Variants in PDE10A observed in about 807,000 individuals in gnomAD.
PDE10A encodes cAMP and cAMP-inhibited cGMP 3',5'-cyclic phosphodiesterase 10A.
In PDE10A, 39 loss-of-function variants were observed where a neutral mutation model predicts 97.7. That is an observed-to-expected ratio of 0.40 (90% CI 0.31 to 0.52). PDE10A has a LOEUF of 0.52. Ranked by LOEUF, PDE10A falls within the 20% of genes least tolerant of loss-of-function variation. The probability of loss-of-function intolerance (pLI) is 0.56; values close to 1 mark genes in which losing one functional copy is unlikely to be tolerated. For missense variants in PDE10A, 731 were observed against 1,047.8 expected (o/e 0.70, Z 4.17); for synonymous variants, 371 against 376.8 (o/e 0.98, Z 0.18).
At chr6:165,481,080 A>G (rs1779580782) in intron 3 of PDE10A, among the ~76,000 whole-genome samples, 1 of 152,208 alleles carries the variant, frequency 6.6e-6, no homozygotes, top group Admixed American at 6.5e-5. Flanking sequence ...TGTCAATGAC[A>G]CTGTCTGAAC....
intron 1 of PDE10A, among the ~76,000 whole-genome samples, chr6:165,890,415 T>C (rs9457117): frequency 0.25 from 37,277 of 152,064 alleles, 5,323 homozygotes; most frequent in African/African-American, 0.39. Context: ...AATCACTGTC[T>C]TCCGCGACAG....
At chr6:165,576,212 C>T (rs1405213923) in intron 1 of PDE10A, among the ~76,000 whole-genome samples, 1 of 152,160 alleles carries the variant, frequency 6.6e-6, no homozygotes, top group Non-Finnish European at 1.5e-5. Context: ...TGCAATGAAA[C>T]CCTGTCAATG....
chr6:165,360,683 G>C (rs879599557), intron 18 of PDE10A, among the ~76,000 whole-genome samples: 1 of 152,150 alleles, frequency 6.6e-6, no homozygotes, highest in Non-Finnish European at 1.5e-5. Flanking sequence ...TCAAATAACC[G>C]AGTGCTGGAA....
chr6:165,583,025 G>A (rs910668408), intron 1 of PDE10A, among the ~76,000 whole-genome samples: 5 of 152,118 alleles, frequency 3.3e-5, no homozygotes, highest in South Asian at 2.1e-4. Context: ...CTGCTTGTTC[G>A]ATGCAAAGCT....
chr6:165,979,296 G>A (rs1177970462), intron 1 of PDE10A, among the ~76,000 whole-genome samples: 1 of 152,138 alleles, frequency 6.6e-6, no homozygotes, highest in Non-Finnish European at 1.5e-5. Context: ...CTCCCCAGCT[G>A]GCCCAGGTAT....
At chr6:165,433,844 T>C (rs1482950870) in intron 6 of PDE10A, among the ~76,000 whole-genome samples, 1 of 151,248 alleles carries the variant, frequency 6.6e-6, no homozygotes, top group Admixed American at 6.6e-5. Context: ...TGAAACACCA[T>C]CTCTACTAAA....
At chr6:165,827,161 C>T (rs1366502587) in intron 1 of PDE10A, among the ~76,000 whole-genome samples, 1 of 152,194 alleles carries the variant, frequency 6.6e-6, no homozygotes, top group African/African-American at 2.4e-5. Flanking sequence ...CCCTCTTGTG[C>T]GCTCAGGTGG....
chr6:165,704,576 C>T (rs2128444495), intron 1 of PDE10A, among the ~76,000 whole-genome samples: 1 of 152,254 alleles, frequency 6.6e-6, no homozygotes, highest in East Asian at 1.9e-4. Context: ...CTTCTCATCA[C>T]ACTTGCAAAT....
chr6:165,546,624 C>T (rs748461454), intron 1 of PDE10A, among the ~76,000 whole-genome samples: 5 of 152,026 alleles, frequency 3.3e-5, no homozygotes, highest in Non-Finnish European at 7.4e-5. Context: ...ACATAAGCAC[C>T]ACACTCTAGT....
At chr6:165,453,896 G>A (rs887786129) in intron 3 of PDE10A, among the ~76,000 whole-genome samples, 2 of 152,264 alleles carry the variant, frequency 1.3e-5, no homozygotes, top group Admixed American at 1.3e-4. Context: ...CACAACTCTG[G>A]AGAAGCTCAG....
chr6:165,801,553 A>G (rs932230644), intron 1 of PDE10A, among the ~76,000 whole-genome samples: 3 of 152,202 alleles, frequency 2.0e-5, no homozygotes, highest in Admixed American at 1.3e-4. Context: ...TCAAGAAAAA[A>G]AAATTATCCA....
At chr6:165,958,565 GACAGACAGAAAGAAAGACAGAA>G (rs1562327324) in intron 1 of PDE10A, among the ~76,000 whole-genome samples, 9 of 9,526 alleles carry the variant, frequency 9.4e-4, no homozygotes, top group Admixed American at 5.3e-3. Flanking sequence ...AAGAAAGAAA[GACAGACAGAAAGAAAGACAGAA>G]AGAGAGAAAG....
At chr6:165,364,557 G>GGGTA (rs1255314611) in intron 18 of PDE10A, among the ~76,000 whole-genome samples, 2 of 152,150 alleles carry the variant, frequency 1.3e-5, no homozygotes, top group Non-Finnish European at 2.9e-5. Context: ...TCTATGCCTG[G>GGGTA]GGTAGGGAAA....
chr6:165,748,200 G>A (rs1792887195), intron 1 of PDE10A, among the ~76,000 whole-genome samples: 1 of 152,120 alleles, frequency 6.6e-6, no homozygotes, highest in South Asian at 2.1e-4. Flanking sequence ...CGAATGTTTT[G>A]GTCCCCAAAA....
chr6:165,523,916 T>G (rs985117771), intron 2 of PDE10A, among the ~76,000 whole-genome samples: 5 of 152,194 alleles, frequency 3.3e-5, no homozygotes, highest in Admixed American at 3.3e-4. Flanking sequence ...GATTACCATT[T>G]GAGTCAGTGG....
At chr6:165,904,040 A>T (rs1031718991) in intron 1 of PDE10A, among the ~76,000 whole-genome samples, 14 of 152,188 alleles carry the variant, frequency 9.2e-5, no homozygotes, top group African/African-American at 3.4e-4. Context: ...GGATGGAAAC[A>T]TTGGTTTCAA....
intron 17 of PDE10A, among the ~76,000 whole-genome samples, chr6:165,386,291 C>G (rs1200865144): frequency 6.6e-6 from 1 of 152,208 alleles, no homozygotes; most frequent in Non-Finnish European, 1.5e-5. Flanking sequence ...TGCTATATTA[C>G]AAGGTTTATT....
chr6:165,854,984 A>G (rs893994694), intron 1 of PDE10A, among the ~76,000 whole-genome samples: 1 of 144,762 alleles, frequency 6.9e-6, no homozygotes, highest in African/African-American at 2.6e-5. Flanking sequence ...GGGGAAGAGG[A>G]AGAGGAATGA....
intron 1 of PDE10A, among the ~76,000 whole-genome samples, chr6:165,759,723 C>G (rs1288200595): frequency 6.6e-6 from 1 of 152,106 alleles, no homozygotes; most frequent in Non-Finnish European, 1.5e-5. Flanking sequence ...AAGGACTTTC[C>G]CTAAAGGTGA....
Sources: allele counts gnomAD v4.1 joint callset (sites outside exome capture counted in the v4.1 genomes callset), GRCh38; gene constraint gnomAD v4.1.1; transcripts MANE v1.5; gene names NCBI Gene and HGNC (gene_info 2026-07-23, HGNC 2026-07-21).